Variants in CLVS1 observed in about 807,000 individuals in gnomAD.
CLVS1 encodes clavesin 1.
Under a neutral mutation model 33.1 loss-of-function variants are expected in CLVS1, and 10 were observed. The ratio of observed to expected loss-of-function variants is 0.30; its 90% CI spans 0.19 to 0.51. The LOEUF (loss-of-function observed/expected upper bound fraction) is 0.51. Among genes scored for constraint, CLVS1 ranks in the 20% least tolerant of loss-of-function variants. CLVS1 has a pLI of 0.97. For missense variants in CLVS1, 343 were observed against 433.4 expected (o/e 0.79, Z 1.85); for synonymous variants, 163 against 166.1 (o/e 0.98, Z 0.14).
At chr8:61,262,945 C>T (rs988026370) in intron 2 of CLVS1, among the ~76,000 whole-genome samples, 6 of 152,100 alleles carry the variant, frequency 3.9e-5, no homozygotes, top group South Asian at 4.2e-4. Flanking sequence ...GGAAGCTGCC[C>T]GTGATTTAAG....
upstream of CLVS1, among the ~76,000 whole-genome samples, chr8:61,284,009 A>G (rs1183822719): frequency 6.6e-6 from 1 of 152,212 alleles, no homozygotes; most frequent in South Asian, 2.1e-4. Context: ...AAAGTAGTAT[A>G]TATACACAAT....
chr8:61,004,167 T>A, the CLVS1 span, among the ~76,000 whole-genome samples: 1 of 152,254 alleles, frequency 6.6e-6, no homozygotes, highest in Non-Finnish European at 1.5e-5. Context: ...GTGGATTAAA[T>A]GCAATAGCAC....
chr8:61,267,209 G>A lies in CLVS1; in HGVS notation c.-151-32468G>A, dbSNP rs188420775. 3.9e-5 allele frequency among the ~76,000 whole-genome samples: 6 copies of A among 152,284 alleles called. No homozygotes were observed. The East Asian group carries it at 7.7e-4, about 20-fold the overall frequency. ...CATACCACCAGCAAGAAAGATAAGC[G>A]TAGTGTGGGGGCATGTCTTTGTATT... On this transcript the variant is annotated intron_variant, in intron 2 of 2. Coordinates refer to the CLVS1 transcript ENST00000522621.
intron 2 of CLVS1, among the ~76,000 whole-genome samples, chr8:61,364,574 A>G (rs1275968309): frequency 6.6e-6 from 1 of 152,198 alleles, no homozygotes; most frequent in Non-Finnish European, 1.5e-5. Flanking sequence ...TAAGTTTCTT[A>G]TGATTAAGAA....
At chr8:61,167,846 A>G (rs529956840) in intron 2 of CLVS1, among the ~76,000 whole-genome samples, 2 of 152,194 alleles carry the variant, frequency 1.3e-5, no homozygotes, top group Non-Finnish European at 2.9e-5. Context: ...GCGCCTAGAC[A>G]GTTTACAAAT....
the CLVS1 span, among the ~76,000 whole-genome samples, chr8:60,997,123 C>G: frequency 1.3e-5 from 2 of 151,782 alleles, no homozygotes; most frequent in Admixed American, 1.3e-4. Context: ...TTTTGATTTT[C>G]TTGATGGATG....
intron 2 of CLVS1, among the ~76,000 whole-genome samples, chr8:61,200,990 A>G (rs529226197): frequency 6.6e-6 from 1 of 152,314 alleles, no homozygotes; most frequent in Admixed American, 6.5e-5. Context: ...ATAACCGATC[A>G]TGGTGAAATT....
intron 1 of CLVS1, among the ~76,000 whole-genome samples, chr8:61,116,333 T>C (rs1805723268): frequency 6.6e-6 from 1 of 152,216 alleles, no homozygotes; most frequent in South Asian, 2.1e-4. Flanking sequence ...CTGTTCACTC[T>C]GATGGTGGTT....
intron 1 of CLVS1, among the ~76,000 whole-genome samples, chr8:61,081,027 CTTAG>C (rs1026041028): frequency 6.6e-6 from 1 of 152,124 alleles, no homozygotes; most frequent in African/African-American, 2.4e-5. Context: ...TGTCTACAAT[CTTAG>C]TTTGGTTGGG....
chr8:61,166,241 C>T (rs2129297595), intron 2 of CLVS1, among the ~76,000 whole-genome samples: 1 of 152,042 alleles, frequency 6.6e-6, no homozygotes, highest in Admixed American at 6.6e-5. Flanking sequence ...GATTCTCCTG[C>T]CTCATCCTCC....
chr8:61,376,971 T>C (rs1813670187), intron 3 of CLVS1, 192 bp downstream of exon 3: 3 of 528,274 alleles, frequency 5.7e-6, no homozygotes, highest in African/African-American at 1.9e-5. Context: ...TTTTCATTAA[T>C]AACTCCAAAT....
chr8:61,025,818 C>G, the CLVS1 span, among the ~76,000 whole-genome samples: 1 of 152,194 alleles, frequency 6.6e-6, no homozygotes, highest in African/African-American at 2.4e-5. Context: ...CAATGACTTT[C>G]TAGCTCTAGC....
At chr8:61,493,453 T>G (rs1199843210) in intron 5 of CLVS1, among the ~76,000 whole-genome samples, 2 of 152,202 alleles carry the variant, frequency 1.3e-5, no homozygotes, top group African/African-American at 4.8e-5. Flanking sequence ...TTCCACACCT[T>G]AATTTATCTA....
rs147488310 is a variant in CLVS1 at position 61,089,232 on chromosome 8, C to G, written c.-243+32002C>G. On this transcript the variant is annotated intron_variant, in intron 1 of 2. Coordinates refer to the CLVS1 transcript ENST00000522621. ...AATTAATCAATTTCTATAATTTAACCAAATTGGAATTGCAGAAATCAAATG... is the reference window on the plus strand; with the variant it reads ...AATTAATCAATTTCTATAATTTAACGAAATTGGAATTGCAGAAATCAAATG... Among the ~76,000 whole-genome samples the G allele has an allele frequency of 5.7e-4, 87 of 152,250 alleles. 1 individual carries two copies. In the East Asian group the frequency reaches 0.015, roughly 26 times the overall value.
At chr8:61,457,729 G>C (rs1335792396) in intron 4 of CLVS1, among the ~76,000 whole-genome samples, 2 of 152,026 alleles carry the variant, frequency 1.3e-5, no homozygotes, top group African/African-American at 2.4e-5. Flanking sequence ...ATTTTCCCCC[G>C]TGGGGAAACA....
chr8:61,311,524 G>C (rs1175537968), intron 2 of CLVS1, among the ~76,000 whole-genome samples: 1 of 152,198 alleles, frequency 6.6e-6, no homozygotes, highest in Non-Finnish European at 1.5e-5. Context: ...TAACACAACA[G>C]TGTACATCCC....
the CLVS1 span, among the ~76,000 whole-genome samples, chr8:60,967,168 T>C: frequency 6.6e-6 from 1 of 152,216 alleles, no homozygotes; most frequent in Admixed American, 6.5e-5. Flanking sequence ...AAACCTATAC[T>C]ATGGATGTAG....
intron 2 of CLVS1, among the ~76,000 whole-genome samples, chr8:61,165,991 A>G (rs949789898): frequency 6.9e-6 from 1 of 145,680 alleles, no homozygotes; most frequent in Non-Finnish European, 1.5e-5. Context: ...TAGCAAGGCA[A>G]GAACGTGGGT....
rs961863332 is a variant in CLVS1 at position 61,269,105 on chromosome 8, T to C, written c.-151-30572T>C. On this transcript the variant is annotated intron_variant, in intron 2 of 2. Transcript: ENST00000522621. Reference sequence around the variant, plus strand: ...GAAGTCCTTGCCCATGCCTATGTCCTGAATGGTAATGCCTAGGTTTTCTTC... The same window carrying C: ...GAAGTCCTTGCCCATGCCTATGTCCCGAATGGTAATGCCTAGGTTTTCTTC... Among the ~76,000 whole-genome samples the C allele has an allele frequency of 1.4e-3, 202 of 148,922 alleles. 1 individual carries two copies. The highest frequency in any genetic ancestry group is 4.8e-3 in the African/African-American group (192 of 40,280).
Sources: allele counts gnomAD v4.1 joint callset (sites outside exome capture counted in the v4.1 genomes callset), GRCh38; gene constraint gnomAD v4.1.1; transcripts MANE v1.5; gene names NCBI Gene and HGNC (gene_info 2026-07-23, HGNC 2026-07-21).